GYS1: variants seen among roughly 807,000 people sequenced by gnomAD.
GYS1 encodes glycogen [starch] synthase, muscle.
A neutral mutation model predicts 89.1 loss-of-function variants in GYS1; 60 were observed. That is an observed-to-expected ratio of 0.67 (90% CI 0.55 to 0.84). The LOEUF (loss-of-function observed/expected upper bound fraction) is 0.84. GYS1 is among the 40% of genes least tolerant of loss of function. GYS1 has a pLI of 0.00. For synonymous variants in GYS1, 366 were observed against 401.7 expected, an observed-to-expected ratio of 0.91 and a Z score of 1.06; for missense variants, 888 against 1,003.1, an observed-to-expected ratio of 0.89 and a Z score of 1.55.
chr19:48,977,592 C>CAAAATAAATAAATAAATATAATA (rs2038676864), intron 10 of GYS1, among the ~76,000 whole-genome samples: 1 of 152,010 alleles, frequency 6.6e-6, no homozygotes, highest in African/African-American at 2.4e-5. Context: ...GACTCCATCT[C>CAAAATAAATAAATAAATATAATA]AAAATAAATA....
chr19:48,968,610 A>G lies in GYS1; in HGVS notation c.*678T>C, dbSNP rs1306066118. The G allele has an allele frequency of 2.2e-6, 1 of 454,366 alleles. No homozygotes were observed. The highest frequency in any genetic ancestry group is 4.4e-6 in the Non-Finnish European group (1 of 226,776). 28.1% of individuals were successfully genotyped at this position (454,366 alleles called of 1,614,324 possible). ...TGGACTGAGACTGTGTGTCCTCCAG[A>G]AGGAATGAGCAGCCAAGTGGTTCTA... On this transcript the variant is annotated 3_prime_UTR_variant, in exon 16 of 16. Coordinates refer to ENST00000323798, the MANE Select transcript of GYS1 (RefSeq NM_002103.5).
chr19:48,982,275 G>T lies in GYS1; in HGVS notation c.1042C>A (p.Arg348=), dbSNP rs765560231. ...GADVFLEALA[R]LNYLLRVNGS... is the part of the protein sequence containing the mutation. Reference sequence around the variant, plus strand: ...CTCACTCTGAGCAGATAGTTGAGCCGAGCCAATGCCTCCAGGAAGACGTCA... The same window carrying T: ...CTCACTCTGAGCAGATAGTTGAGCCTAGCCAATGCCTCCAGGAAGACGTCA... Residue 348 remains arginine (R), a synonymous_variant, in exon 7 of 16, where the codon CGG becomes AGG. Coordinates refer to ENST00000323798, the MANE Select transcript of GYS1 (RefSeq NM_002103.5). 2.4e-5 allele frequency: 38 copies of T among 1,613,620 alleles called. No homozygotes were observed. Among genetic ancestry groups the T allele is most frequent in the African/African-American group, 4.0e-5 (3 of 74,858 alleles).
Position 48,969,596 on chromosome 19 carries a change from A to G in GYS1, c.1906T>C (p.Tyr636His). The G allele has an allele frequency of 6.5e-7, 1 of 1,538,664 alleles. No homozygotes were observed. Among genetic ancestry groups the G allele is most frequent in the Non-Finnish European group, 8.7e-7 (1 of 1,147,412 alleles). Reference sequence around the variant, plus strand: ...GGTGGCACCGAGGCTGGCCGTGGGTAGCGGTACCCCTGGGCCTGCATACGG... The same window carrying G: ...GGTGGCACCGAGGCTGGCCGTGGGTGGCGGTACCCCTGGGCCTGCATACGG... Reference protein sequence around the residue: ...NEADAAQGYRYPRPASVPPSP... With the variant: ...NEADAAQGYRHPRPASVPPSP... The change falls in exon 16 of 16, where the codon TAC becomes CAC. Residue 636 changes from tyrosine (Y) to histidine (H), a missense_variant. Transcript: ENST00000323798.
intron 8 of GYS1, 39 bp downstream of exon 8, chr19:48,981,491 G>A: frequency 9.4e-7 from 1 of 1,060,796 alleles, no homozygotes; most frequent in Non-Finnish European, 1.5e-6. Flanking sequence ...ATGCATCTGG[G>A]AGTGGGCTGC....
chr19:48,985,574 T>G lies in GYS1; in HGVS notation c.710A>C (p.Gln237Pro). The change falls in exon 5 of 16, where the codon CAG becomes CCG. Residue 237 changes from glutamine to proline, a missense_variant. By Grantham distance (76) the Gln-to-Pro change is moderately conservative (BLOSUM62 -1). Transcript: ENST00000323798. The part of the protein sequence containing the change: ...FNVDKEAGER[Q>P]IYHRYCMERA... ...TTCCATGCAGTATCGGTGGTAGATC[T>G]GCCTCTCCCCTGCTTCCTTGTCCAC... 6.2e-7 allele frequency: 1 copy of G among 1,614,108 alleles called. No individual in the cohort carries two copies. The highest frequency in any genetic ancestry group is 8.5e-7 in the Non-Finnish European group (1 of 1,180,002).
chr19:48,985,746 C>A (rs956399979), intron 4 of GYS1, 104 bp downstream of exon 4: 3 of 1,522,134 alleles, frequency 2.0e-6, no homozygotes, highest in African/African-American at 2.7e-5. Flanking sequence ...GACTTGGACT[C>A]CTGGATCCTG....
chr19:48,985,719 G>A (rs1230734428), intron 4 of GYS1, 114 bp from the exon 5 acceptor site: 18 of 1,494,844 alleles, frequency 1.2e-5, no homozygotes, highest in Non-Finnish European at 1.6e-5. Context: ...CTGGGTCTGA[G>A]GTAGGAGGGG....
intron 10 of GYS1, among the ~76,000 whole-genome samples, chr19:48,975,674 T>TC (rs1332786180): frequency 1.3e-5 from 2 of 151,368 alleles, no homozygotes; most frequent in Non-Finnish European, 1.5e-5. Flanking sequence ...ACGCCTGTAA[T>TC]CCCAGCACTC....
chr19:48,983,706 C>CCTTAG (rs2038799442), intron 5 of GYS1, among the ~76,000 whole-genome samples: 1 of 152,074 alleles, frequency 6.6e-6, no homozygotes, highest in Admixed American at 6.5e-5. Context: ...AGAACGGATA[C>CCTTAG]TAAGGGCTGG....
chr19:48,971,836 G>T, intron 12 of GYS1, among the ~76,000 whole-genome samples: 1 of 149,614 alleles, frequency 6.7e-6, no homozygotes, highest in African/African-American at 2.5e-5. Context: ...AATTATAGGT[G>T]TGAGCCACTG....
chr19:48,971,012 C>T lies in GYS1; in HGVS notation c.1561G>A (p.Val521Ile), dbSNP rs2038556603. ...GTGGAGATACTGGGGATTCCCATAA[C>T]CGTGCACTCAGCTGCGGGAAGGCAG... ...PWGYTPAECTVMGIPSISTNL... is the reference protein window; with the variant it reads ...PWGYTPAECTIMGIPSISTNL... Residue 521 changes from valine (V) to isoleucine (I), a missense_variant, in exon 13 of 16, where the codon GTT becomes ATT. Transcript: ENST00000323798. 6.2e-7 allele frequency: 1 copy of T among 1,613,190 alleles called. No homozygotes were observed. The highest frequency in any genetic ancestry group is 8.5e-7 in the Non-Finnish European group (1 of 1,179,098).
At chr19:48,973,739 A>C (rs2038601318) in intron 12 of GYS1, among the ~76,000 whole-genome samples, 1 of 152,024 alleles carries the variant, frequency 6.6e-6, no homozygotes, top group Admixed American at 6.6e-5. Context: ...GGCTGGTCTC[A>C]AACTCCTGAC....
intron 3 of GYS1, among the ~76,000 whole-genome samples, chr19:48,986,860 GA>G (rs1322819193): frequency 4.6e-5 from 7 of 152,176 alleles, no homozygotes; most frequent in Non-Finnish European, 8.8e-5. Context: ...TCAGGCTGGG[GA>G]TTCATGAGCA....
rs1454343943 is a variant in GYS1, at chr19:48,970,598, C to T, written c.1757G>A (p.Arg586Gln). The change falls in exon 14 of 16, where the codon CGG becomes CAG. Residue 586 changes from arginine to glutamine, a missense_variant. By Grantham distance (43) the Arg-to-Gln change is conservative. Coordinates refer to ENST00000323798, the MANE Select transcript of GYS1 (RefSeq NM_002103.5). ...QQSRRQRIIQ[R>Q]NRTERLSDLL... Reference sequence around the variant, plus strand: ...GTCGGAGAGGCGCTCCGTGCGGTTCCGCTGGATGATACGCTGCCGCCGGCT... The same window carrying T: ...GTCGGAGAGGCGCTCCGTGCGGTTCTGCTGGATGATACGCTGCCGCCGGCT... The T allele has an allele frequency of 6.2e-7, 1 of 1,613,796 alleles. No individual in the cohort carries two copies. Among genetic ancestry groups the T allele is most frequent in the Non-Finnish European group, 8.5e-7 (1 of 1,179,944 alleles).
chr19:48,978,954 G>T (rs183533293), intron 8 of GYS1, among the ~76,000 whole-genome samples: 1 of 152,170 alleles, frequency 6.6e-6, no homozygotes, highest in Non-Finnish European at 1.5e-5. Context: ...TAGGACCCAC[G>T]TGCCTGACAT....
intron 10 of GYS1, among the ~76,000 whole-genome samples, chr19:48,975,573 A>T (rs1162175220): frequency 6.6e-6 from 1 of 152,068 alleles, no homozygotes; most frequent in African/African-American, 2.4e-5. Flanking sequence ...GGGGGTGGAG[A>T]CTGTGCCAAT....
At chr19:48,985,784 G>A (rs2038833219) in intron 4 of GYS1, 66 bp downstream of exon 4, 5 of 1,575,178 alleles carry the variant, frequency 3.2e-6, no homozygotes, top group Non-Finnish European at 4.4e-6. Context: ...ATCCCCTTGG[G>A]CCCCCCAGAG....
At position 48,991,523 on chromosome 19, in the gene GYS1, T is replaced by A; in HGVS notation, c.119-40A>T. ...GTGTGAGGGCAGGCCCCGGCCGAGG[T>A]CCATAGTTCTGGGGCCTGGGGTGGG... is the stretch of plus-strand genomic sequence containing the variant. On this transcript the variant is annotated intron_variant, in intron 1 of 15. Transcript: ENST00000323798. This position sits in a 1 kb window ranked among gnomAD's most constrained non-coding sequence, Gnocchi z 4.7. 5.6e-6 allele frequency: 7 copies of A among 1,254,872 alleles called. No homozygotes were observed. The highest frequency in any genetic ancestry group is 7.9e-6 in the Non-Finnish European group (7 of 886,344). 77.7% of individuals were successfully genotyped at this position (1,254,872 alleles called of 1,614,324 possible).
chr19:48,972,982 T>C (rs139658931), intron 12 of GYS1, among the ~76,000 whole-genome samples: 1 of 152,094 alleles, frequency 6.6e-6, no homozygotes, highest in Non-Finnish European at 1.5e-5. Context: ...AAGAAACAAA[T>C]AGTAAAATGT....
Sources: gnomAD v4.1 joint callset for allele counts (sites outside exome capture counted in the v4.1 genomes callset) on GRCh38, gnomAD v4.1.1 for gene constraint, Gnocchi (gnomAD v3.1) non-coding constraint, MANE v1.5 for transcripts, NCBI Gene and HGNC (gene_info 2026-07-23, HGNC 2026-07-21) for gene names.